Variants in BCL11B observed in about 807,000 individuals in gnomAD.
BCL11B encodes BCL11 transcription factor B, also known as B-cell lymphoma/leukemia 11B.
BCL11B carries 8 observed loss-of-function variants against 49.9 expected under a neutral mutation model. The observed-to-expected ratio is 0.16, with a 90% CI of 0.09 to 0.29. BCL11B has a LOEUF of 0.29. Among genes scored for constraint, BCL11B ranks in the 10% least tolerant of loss-of-function variants. The pLI, the probability that BCL11B is intolerant of heterozygous loss-of-function variation, is 1.00. For missense variants in BCL11B, 1,006 were observed against 1,351.0 expected, an observed-to-expected ratio of 0.74 and a Z score of 4.00; for synonymous variants, 739 against 637.4, an observed-to-expected ratio of 1.16 and a Z score of -2.40.
chr14:99,237,959 G>C (rs754578376), intron 2 of BCL11B, among the ~76,000 whole-genome samples: 8 of 152,042 alleles, frequency 5.3e-5, no homozygotes, highest in Non-Finnish European at 8.8e-5. Context: ...TTCACCAGGG[G>C]CCTCCAGGAA....
rs933511443 is a variant in BCL11B, at chr14:99,238,725, T to C, written c.428-7168A>G. On this transcript the variant is annotated intron_variant, in intron 2 of 3. Transcript: ENST00000357195. The stretch of plus-strand genomic sequence containing the variant: ...CCTGCAGTGTTCCGAACTACTGAAA[T>C]GCAAATAAACCACAAACACTTGTCC... Among the ~76,000 whole-genome samples the C allele has an allele frequency of 4.6e-5, 7 of 152,224 alleles. No homozygotes were observed. In the East Asian group the frequency reaches 1.4e-3, roughly 29 times the overall value.
At chr14:99,177,778 T>C (rs1886583209) in intron 3 of BCL11B, among the ~76,000 whole-genome samples, 1 of 151,972 alleles carries the variant, frequency 6.6e-6, no homozygotes, top group Non-Finnish European at 1.5e-5. Flanking sequence ...GTCCCCTGTC[T>C]CACTCTCTCC....
chr14:99,265,325 TG>T (rs1357439681), intron 1 of BCL11B, among the ~76,000 whole-genome samples: 1 of 152,194 alleles, frequency 6.6e-6, no homozygotes, highest in African/African-American at 2.4e-5. Flanking sequence ...TCCCCAGATG[TG>T]AAGCCAACAT....
chr14:99,202,574 C>G (rs758748589), intron 3 of BCL11B, among the ~76,000 whole-genome samples: 2 of 152,140 alleles, frequency 1.3e-5, no homozygotes, highest in African/African-American at 2.4e-5. Context: ...CGCAAGGCAA[C>G]GCAAGGAGTG....
At chr14:99,176,623 A>G (rs979645211) in intron 3 of BCL11B, among the ~76,000 whole-genome samples, 1 of 152,328 alleles carries the variant, frequency 6.6e-6, no homozygotes, top group Middle Eastern at 3.4e-3. Flanking sequence ...GAAACCATCT[A>G]GGCCAGGGCT....
chr14:99,175,595 G>C lies in BCL11B; in HGVS notation c.1241C>G (p.Pro414Arg). 2.5e-6 allele frequency: 4 copies of C among 1,575,738 alleles called. No homozygotes were observed. The highest frequency in any genetic ancestry group is 3.4e-6 in the Non-Finnish European group (4 of 1,165,188). The stretch of plus-strand genomic sequence containing the variant: ...CGGCTGCGGGGGCGGCGTGCCGCCA[G>C]GGGGCATGGGCGGCAGCGGCGGCGT... ...LSTPPLPPMP[P>R]GGTPPPQPPA... Residue 414 changes from proline (P) to arginine (R), a missense_variant, in exon 4 of 4, where the codon CCT becomes CGT. By Grantham distance (103) the Pro-to-Arg change is moderately radical. Coordinates refer to ENST00000357195, the MANE Select transcript of BCL11B (RefSeq NM_138576.4).
chr14:99,254,414 G>A (rs995649755), intron 2 of BCL11B, among the ~76,000 whole-genome samples: 2 of 152,244 alleles, frequency 1.3e-5, no homozygotes, highest in East Asian at 1.9e-4. Flanking sequence ...AACCCCCTTC[G>A]GGTCTGCCTC....
At chr14:99,259,107 T>C (rs921019334) in intron 1 of BCL11B, among the ~76,000 whole-genome samples, 5 of 152,098 alleles carry the variant, frequency 3.3e-5, no homozygotes, top group African/African-American at 1.2e-4. Flanking sequence ...CAAATGTCAG[T>C]AGTCGTAGAG....
chr14:99,252,891 T>C (rs1405690622), intron 2 of BCL11B, among the ~76,000 whole-genome samples: 1 of 152,268 alleles, frequency 6.6e-6, no homozygotes, highest in Non-Finnish European at 1.5e-5. Flanking sequence ...GAGAATTATA[T>C]GGAGGAACCT....
chr14:99,186,271 A>G (rs939452986), intron 3 of BCL11B, among the ~76,000 whole-genome samples: 3 of 152,256 alleles, frequency 2.0e-5, no homozygotes, highest in Admixed American at 2.0e-4. Context: ...CTGTAATCCC[A>G]GCACTTTGGG....
At chr14:99,209,054 A>G (rs923001629) in intron 3 of BCL11B, among the ~76,000 whole-genome samples, 3 of 152,158 alleles carry the variant, frequency 2.0e-5, no homozygotes, top group Non-Finnish European at 4.4e-5. Context: ...GAAGAGCTTT[A>G]CTAAAATGTG....
chr14:99,230,487 C>T (rs1888296193), intron 3 of BCL11B, among the ~76,000 whole-genome samples: 1 of 152,158 alleles, frequency 6.6e-6, no homozygotes, highest in Admixed American at 6.5e-5. Context: ...TGCTTTCACG[C>T]CAGGCCCTGC....
intron 3 of BCL11B, among the ~76,000 whole-genome samples, chr14:99,189,260 A>G (rs1379192385): frequency 6.6e-6 from 1 of 152,212 alleles, no homozygotes; most frequent in African/African-American, 2.4e-5. Context: ...GGCTGCCGGG[A>G]CGTGGTCATC....
Position 99,174,800 on chromosome 14 carries a change from G to T in BCL11B, c.2036C>A (p.Pro679His). 1 of 1,430,608 alleles carries T rather than the reference G, an allele frequency of 7.0e-7. No homozygotes were observed. Among genetic ancestry groups the T allele is most frequent in the Non-Finnish European group, 9.2e-7 (1 of 1,092,874 alleles). The allele number at this position is 1,430,608 out of a possible 1,614,324, so 88.6% of individuals were successfully genotyped here. The change falls in exon 4 of 4, where the codon CCC (proline) becomes CAC (histidine). Residue 679 changes from proline to histidine, a missense_variant. Physicochemically the swap from Pro to His is moderately conservative, Grantham distance 77. Transcript: ENST00000357195. The part of the protein sequence containing the change: ...FPRKPAPLPS[P>H]GLNSAAKRIK... ...GCGCTTGGCGGCGCTGTTGAGCCCG[G>T]GGCTGGGCAGCGGCGCGGGCTTGCG...
At position 99,271,726 on chromosome 14, in the gene BCL11B, G is replaced by A. The variant is rs1255868727; in HGVS notation, c.-508C>T. On this transcript the variant is annotated 5_prime_UTR_variant, in exon 1 of 4. Transcript: ENST00000357195. The stretch of plus-strand genomic sequence containing the variant: ...GGTGGAAAGCGCACTTCTACCAGGA[G>A]GGGAAAAAAAATGCAAACAAATAAA... 6.6e-6 allele frequency among the ~76,000 whole-genome samples: 1 copy of A among 150,742 alleles called. No individual in the cohort carries two copies. The highest frequency in any genetic ancestry group is 2.4e-5 in the African/African-American group (1 of 40,900).
At chr14:99,183,936 G>C (rs892894717) in intron 3 of BCL11B, among the ~76,000 whole-genome samples, 1 of 152,046 alleles carries the variant, frequency 6.6e-6, no homozygotes, top group African/African-American at 2.4e-5. Context: ...GAAGCCGGCT[G>C]CATCCCAACC....
Position 99,173,980 on chromosome 14 carries a change from C to G in BCL11B, c.*171G>C, listed in dbSNP as rs535112331. On this transcript the variant is annotated 3_prime_UTR_variant, in exon 4 of 4. Transcript: ENST00000357195. ...AATTTGTACTGCCTTAATCAACCCT[C>G]GGGTTTCCATAGGACTTCGCAGACA... 3.2e-6 allele frequency: 2 copies of G among 626,676 alleles called. No homozygotes were observed. The highest frequency in any genetic ancestry group is 2.9e-5 in the Admixed American group (1 of 34,234). The allele number at this position is 626,676 out of a possible 1,614,324, so 38.8% of individuals were successfully genotyped here.
chr14:99,198,624 T>C (rs1038426546), intron 3 of BCL11B, among the ~76,000 whole-genome samples: 1 of 152,122 alleles, frequency 6.6e-6, no homozygotes, highest in African/African-American at 2.4e-5. Flanking sequence ...AATTCCTGGA[T>C]TGAATGGTAT....
chr14:99,183,379 G>A (rs1247133234), intron 3 of BCL11B, among the ~76,000 whole-genome samples: 2 of 152,102 alleles, frequency 1.3e-5, no homozygotes, highest in African/African-American at 4.8e-5. Context: ...CAGGGACTGC[G>A]CTGGTCTTGT....
Sources: gnomAD v4.1 joint callset for allele counts (sites outside exome capture counted in the v4.1 genomes callset) on GRCh38, gnomAD v4.1.1 for gene constraint, MANE v1.5 for transcripts, NCBI Gene and HGNC (gene_info 2026-07-23, HGNC 2026-07-21) for gene names.